Variants in TFEB observed in about 807,000 individuals in gnomAD.
The protein encoded by TFEB is transcription factor EB.
Under a neutral mutation model 48.0 loss-of-function variants are expected in TFEB, and 12 were observed. That is an observed-to-expected ratio of 0.25 (90% confidence interval 0.16 to 0.40). TFEB has a LOEUF of 0.40. Ranked by LOEUF, TFEB falls within the 10% of genes least tolerant of loss-of-function variation. The pLI is 1.00. For missense variants in TFEB, 509 were observed against 640.3 expected (o/e 0.79, Z 2.21); for synonymous variants, 244 against 261.4 (o/e 0.93, Z 0.64).
At chr6:41,722,914 A>G (rs1771042339) in intron 1 of TFEB, among the ~76,000 whole-genome samples, 1 of 152,206 alleles carries the variant, frequency 6.6e-6, no homozygotes, top group African/African-American at 2.4e-5. Flanking sequence ...GGTGGGCACT[A>G]TAACTGTCAT....
At chr6:41,686,009 G>A (rs780249258) in intron 8 of TFEB, 81 bp downstream of exon 8, 65 of 1,565,078 alleles carry the variant, frequency 4.2e-5, no homozygotes, top group Non-Finnish European at 5.6e-5. Context: ...TCCAACTTCA[G>A]AAGTACAAGT....
rs925515963 is a variant in TFEB, at chr6:41,723,200, G to C, written c.-23+12150C>G. ...CCCACGCTGTCCAACCTGCACTCCAGAGCTTGGCCACCTTCTTCCCCATTC... is the reference window on the plus strand; with the variant it reads ...CCCACGCTGTCCAACCTGCACTCCACAGCTTGGCCACCTTCTTCCCCATTC... On this transcript the variant is annotated intron_variant, in intron 1 of 8. Coordinates refer to ENST00000373033, the MANE Select transcript of TFEB (RefSeq NM_001271944.2). This position sits in a 1 kb window ranked among gnomAD's most constrained non-coding sequence, Gnocchi z 6.0. 1.3e-5 allele frequency among the ~76,000 whole-genome samples: 2 copies of C among 152,064 alleles called. No individual in the cohort carries two copies. Among genetic ancestry groups the C allele is most frequent in the African/African-American group, 4.8e-5 (2 of 41,392 alleles).
chr6:41,732,747 T>C (rs894039231), intron 1 of TFEB: 29 of 985,922 alleles, frequency 2.9e-5, no homozygotes, highest in African/African-American at 1.2e-4. Flanking sequence ...ACACTGTACA[T>C]GCATATATGT....
intron 1 of TFEB, among the ~76,000 whole-genome samples, chr6:41,716,172 G>A: frequency 6.6e-6 from 1 of 152,200 alleles, no homozygotes; most frequent in South Asian, 2.1e-4. Context: ...CCATCTCACA[G>A]AGGAGGAAAC....
intron 1 of TFEB, among the ~76,000 whole-genome samples, chr6:41,725,974 C>T (rs965410543): frequency 1.1e-4 from 16 of 152,186 alleles, no homozygotes; most frequent in Admixed American, 7.9e-4. Context: ...CCAGGCCCGG[C>T]GGCTCACGCC....
intron 1 of TFEB, among the ~76,000 whole-genome samples, chr6:41,717,601 G>A (rs1051228395): frequency 1.3e-5 from 2 of 152,128 alleles, no homozygotes; most frequent in Non-Finnish European, 2.9e-5. Flanking sequence ...GGATCTCCCA[G>A]CAGCCATAAA....
rs116197361 is a variant in TFEB, at chr6:41,702,993, G to A, written c.-22-11758C>T. Among the ~76,000 whole-genome samples the A allele has an allele frequency of 7.2e-3, 1,104 of 152,342 alleles. 8 individuals are homozygous for A. The highest frequency in any genetic ancestry group is 0.024 in the African/African-American group (997 of 41,594). On this transcript the variant is annotated intron_variant, in intron 1 of 8. Coordinates refer to ENST00000373033, the MANE Select transcript of TFEB (RefSeq NM_001271944.2). ...GGATGTGTGGAGGGCTGGTCCGGTG[G>A]AATCGGCCTGCAGGCTGGGAGGGGA...
At chr6:41,736,171 T>G, upstream of TFEB, 1 of 1,612,930 alleles carries the variant, frequency 6.2e-7, no homozygotes, top group Non-Finnish European at 8.5e-7. Context: ...GTCATGTTGC[T>G]GGACAGAAAT....
At chr6:41,696,129 T>C (rs1049964539) in intron 1 of TFEB, among the ~76,000 whole-genome samples, 6 of 152,242 alleles carry the variant, frequency 3.9e-5, no homozygotes, top group African/African-American at 1.4e-4. Flanking sequence ...ACCATCTTCA[T>C]GCAGTGCCCT....
At chr6:41,707,875 T>C (rs2127241872) in intron 1 of TFEB, among the ~76,000 whole-genome samples, 1 of 152,192 alleles carries the variant, frequency 6.6e-6, no homozygotes, top group East Asian at 1.9e-4. Context: ...GTGGCGGCCA[T>C]GGGGCTAGGG....
intron 1 of TFEB, among the ~76,000 whole-genome samples, chr6:41,704,368 C>T (rs1770096336): frequency 6.6e-6 from 1 of 152,242 alleles, no homozygotes; most frequent in Non-Finnish European, 1.5e-5. Flanking sequence ...GCCTCAGTTT[C>T]CCCATCTGTA....
chr6:41,716,575 C>T (rs1289911024), intron 1 of TFEB, among the ~76,000 whole-genome samples: 2 of 152,216 alleles, frequency 1.3e-5, no homozygotes. Flanking sequence ...TGCCAAGCTT[C>T]AAGCTGTGGC....
At chr6:41,697,427 A>AAAAAAG (rs1769655029) in intron 1 of TFEB, among the ~76,000 whole-genome samples, 2 of 145,200 alleles carry the variant, frequency 1.4e-5, no homozygotes, top group Admixed American at 6.8e-5. Flanking sequence ...AAAAAAAAAA[A>AAAAAAG]GAATGAGGGC....
chr6:41,729,196 C>T (rs1450951113), intron 1 of TFEB, among the ~76,000 whole-genome samples: 2 of 152,092 alleles, frequency 1.3e-5, no homozygotes, highest in Non-Finnish European at 2.9e-5. Flanking sequence ...CAAACAACTC[C>T]ACACCCCTGC....
At position 41,691,815 on chromosome 6, in the gene TFEB, C is replaced by T. The variant is rs913846085; in HGVS notation, c.-22-580G>A. 2.0e-5 allele frequency among the ~76,000 whole-genome samples: 3 copies of T among 152,196 alleles called. No homozygotes were observed. Among genetic ancestry groups the T allele is most frequent in the Non-Finnish European group, 2.9e-5 (2 of 67,962 alleles). Reference sequence around the variant, plus strand: ...AAAGTCCTTACCATGACTGGAAAGGCCCCCTAGGATCTGGCCCACCTCGTG... The same window carrying T: ...AAAGTCCTTACCATGACTGGAAAGGTCCCCTAGGATCTGGCCCACCTCGTG... On this transcript the variant is annotated intron_variant, in intron 1 of 8. Transcript: ENST00000373033. The surrounding 1 kb of genome is among the most constrained non-coding windows in gnomAD (Gnocchi z 5.2).
intron 1 of TFEB, among the ~76,000 whole-genome samples, chr6:41,704,725 T>C (rs1770115086): frequency 6.6e-6 from 1 of 152,188 alleles, no homozygotes. Flanking sequence ...GCATGAAAAT[T>C]GGTGGCGGGT....
At position 41,730,804 on chromosome 6, in the gene TFEB, G is replaced by A. The variant is rs554584144; in HGVS notation, c.-23+4546C>T. On this transcript the variant is annotated intron_variant, in intron 1 of 8. Transcript: ENST00000373033. This position sits in a 1 kb window ranked among gnomAD's most constrained non-coding sequence, Gnocchi z 4.1. Reference sequence around the variant, plus strand: ...GAGCAGGGGACAGCCACAGCTAGGAGTGCATGGTCAGTGGCCAGGCCAGAT... The same window carrying A: ...GAGCAGGGGACAGCCACAGCTAGGAATGCATGGTCAGTGGCCAGGCCAGAT... Among the ~76,000 whole-genome samples the A allele has an allele frequency of 3.9e-5, 6 of 152,354 alleles. No individual in the cohort carries two copies. In the South Asian group the frequency reaches 8.3e-4, roughly 21 times the overall value.
At chr6:41,703,192 G>A (rs1292568492) in intron 1 of TFEB, among the ~76,000 whole-genome samples, 2 of 152,244 alleles carry the variant, frequency 1.3e-5, no homozygotes, top group African/African-American at 4.8e-5. Flanking sequence ...GGGCAGGGAA[G>A]GCTCGTTGAC....
chr6:41,713,069 G>A (rs1770557247), intron 1 of TFEB, among the ~76,000 whole-genome samples: 2 of 152,090 alleles, frequency 1.3e-5, no homozygotes, highest in South Asian at 4.1e-4. Flanking sequence ...GTCTGCGGGG[G>A]CCAGGAGAAG....
Sources: gnomAD v4.1 joint callset for allele counts (sites outside exome capture counted in the v4.1 genomes callset) on GRCh38, gnomAD v4.1.1 for gene constraint, Gnocchi (gnomAD v3.1) non-coding constraint, MANE v1.5 for transcripts, NCBI Gene and HGNC (gene_info 2026-07-23, HGNC 2026-07-21) for gene names.